XPC: variants seen among roughly 807,000 people sequenced by gnomAD.
XPC encodes the protein DNA repair protein complementing XP-C cells.
XPC carries 76 observed loss-of-function variants against 95.8 expected under a neutral mutation model. The observed-to-expected ratio is 0.79, with a 90% CI of 0.66 to 0.96. XPC has a LOEUF of 0.96. XPC is among the 40% of genes least tolerant of loss of function. The pLI, the probability that XPC is intolerant of heterozygous loss-of-function variation, is 0.00. For missense variants in XPC, 1,146 were observed against 1,179.8 expected, an observed-to-expected ratio of 0.97 and a Z score of 0.42; for synonymous variants, 442 against 442.1, an observed-to-expected ratio of 1.00 and a Z score of 0.00.
chr3:14,147,686 G>C, intron 14 of XPC: 1 of 599,002 alleles, frequency 1.7e-6, no homozygotes, highest in Non-Finnish European at 2.9e-6. Flanking sequence ...AGGGGCAGTA[G>C]ACCCCAGAGC....
Position 14,145,996 on chromosome 3 carries a change from GTCT to G in XPC, c.2765_2767del (p.Lys922del), listed in dbSNP as rs1695413754. The G allele has an allele frequency of 1.9e-6, 3 of 1,610,420 alleles. No individual in the cohort carries two copies. Among genetic ancestry groups the G allele is most frequent in the Non-Finnish European group, 2.5e-6 (3 of 1,177,450 alleles). The stretch of plus-strand genomic sequence containing the variant: ...AGCTGCTGCTTTCTTTTCCCTTTTG[GTCT>G]TCTTGGGCCCACCCTTCAGCTTCTG... On this transcript the variant is annotated inframe_deletion, in exon 16 of 16. Transcript: ENST00000285021.
chr3:14,147,400 G>A (rs867858113), intron 14 of XPC, 21 bp from the exon 15 acceptor site: 3 of 1,587,146 alleles, frequency 1.9e-6, no homozygotes, highest in Middle Eastern at 1.7e-4. Context: ...AAATGAAGTG[G>A]GAGAAAAGTG....
intron 15 of XPC, 31 bp downstream of exon 15, chr3:14,147,259 C>G: frequency 6.3e-7 from 1 of 1,586,814 alleles, no homozygotes; most frequent in Non-Finnish European, 8.6e-7. Flanking sequence ...TGACCCTGAG[C>G]TTGTCTTCTC....
chr3:14,157,809 G>A (rs531777589), intron 9 of XPC, among the ~76,000 whole-genome samples: 31 of 152,242 alleles, frequency 2.0e-4, no homozygotes, highest in South Asian at 8.3e-4. Flanking sequence ...CAAGCACCGC[G>A]GCAGTTCATC....
chr3:14,161,086 T>C (rs956653019), intron 7 of XPC, among the ~76,000 whole-genome samples: 3 of 152,196 alleles, frequency 2.0e-5, no homozygotes, highest in Non-Finnish European at 2.9e-5. Flanking sequence ...TTAGATAACA[T>C]AGAGAAAATG....
At chr3:14,178,419 G>A in intron 1 of XPC, 47 bp downstream of exon 1, 2 of 1,557,490 alleles carry the variant, frequency 1.3e-6, no homozygotes, top group Non-Finnish European at 1.7e-6. Flanking sequence ...GGCCTCCTCC[G>A]CCCACCGGCG....
chr3:14,152,064 T>C (rs3731156), intron 11 of XPC, among the ~76,000 whole-genome samples: 49 of 152,244 alleles, frequency 3.2e-4, no homozygotes, highest in Middle Eastern at 3.4e-3. Context: ...TGTAGAACCT[T>C]TGAATTCACA....
rs758341628 is a variant in XPC, at chr3:14,146,130, T to C, written c.2634A>G (p.Ala878=). ...KSEAAAPHTD[A]GGGLSSDEEE... ...CTTCATCAGAAGAGAGTCCACCTCCTGCATCTGTGTGGGGAGCTGCTGCCT... is the reference window on the plus strand; with the variant it reads ...CTTCATCAGAAGAGAGTCCACCTCCCGCATCTGTGTGGGGAGCTGCTGCCT... Residue 878 remains alanine, a synonymous_variant, in exon 16 of 16, where the codon GCA becomes GCG. Transcript: ENST00000285021. The C allele has an allele frequency of 2.5e-6, 4 of 1,610,762 alleles. No homozygotes were observed. The South Asian group carries it at 3.3e-5, about 13-fold the overall frequency.
intron 9 of XPC, among the ~76,000 whole-genome samples, chr3:14,157,542 T>C (rs777516379): frequency 3.3e-5 from 5 of 152,120 alleles, no homozygotes; most frequent in Non-Finnish European, 5.9e-5. Flanking sequence ...TACTGTCTCA[T>C]TCCGAGACAG....
chr3:14,165,508 G>A lies in XPC; in HGVS notation c.699C>T (p.Gly233=). The change falls in exon 6 of 16, where the codon GGC becomes GGT. Residue 233 remains glycine (G), a synonymous_variant. Transcript: ENST00000285021. ...ICSQPDLHAI[G]LSIIPARFTR... ...TAAAGCGGGCTGGGATGATGGACAGGCCAATAGCATGCAGATCTGGCTGGC... is the reference window on the plus strand; with the variant it reads ...TAAAGCGGGCTGGGATGATGGACAGACCAATAGCATGCAGATCTGGCTGGC... 4 of 1,610,376 alleles carry A rather than the reference G, an allele frequency of 2.5e-6. No individual in the cohort carries two copies. Among genetic ancestry groups the A allele is most frequent in the Non-Finnish European group, 3.4e-6 (4 of 1,178,298 alleles).
At chr3:14,162,087 T>G (rs1185659580) in intron 7 of XPC, among the ~76,000 whole-genome samples, 1 of 151,922 alleles carries the variant, frequency 6.6e-6, no homozygotes, top group African/African-American at 2.4e-5. Context: ...TAGGAAAAAA[T>G]TTAACCAAGG....
intron 10 of XPC, among the ~76,000 whole-genome samples, chr3:14,154,731 CAG>C (rs1283966572): frequency 6.6e-6 from 1 of 151,858 alleles, no homozygotes; most frequent in Non-Finnish European, 1.5e-5. Context: ...GGCTGGATGA[CAG>C]TGTGAATGTG....
intron 1 of XPC, among the ~76,000 whole-genome samples, chr3:14,174,964 T>C (rs1449166155): frequency 6.6e-6 from 1 of 152,206 alleles, no homozygotes; most frequent in East Asian, 1.9e-4. Context: ...GTTCTTTCAG[T>C]AGGGCAGGAA....
intron 10 of XPC, among the ~76,000 whole-genome samples, chr3:14,154,543 C>T (rs890389557): frequency 1.3e-5 from 2 of 152,094 alleles, no homozygotes; most frequent in African/African-American, 4.8e-5. Flanking sequence ...AAGCCAGTCA[C>T]GATGTGACTA....
intron 4 of XPC, 34 bp from the exon 5 acceptor site, chr3:14,167,287 G>A (rs55644336): frequency 3.8e-6 from 6 of 1,580,370 alleles, no homozygotes; most frequent in Non-Finnish European, 5.2e-6. Flanking sequence ...GGGAATGAAG[G>A]GGGGAACTGA....
chr3:14,145,388 C>T lies in XPC; in HGVS notation c.*553G>A, dbSNP rs1250220478. Reference sequence around the variant, plus strand: ...ACTAGATCCCAGCAGATGACCTGTACTTCTCTGCTCTCTCCCCTACTGCAA... The same window carrying T: ...ACTAGATCCCAGCAGATGACCTGTATTTCTCTGCTCTCTCCCCTACTGCAA... On this transcript the variant is annotated 3_prime_UTR_variant, in exon 16 of 16. Coordinates refer to ENST00000285021, the MANE Select transcript of XPC (RefSeq NM_004628.5). 7.1e-6 allele frequency: 5 copies of T among 699,926 alleles called. No individual in the cohort carries two copies. Among genetic ancestry groups the T allele is most frequent in the Middle Eastern group, 3.7e-4 (1 of 2,738 alleles). 43.4% of individuals were successfully genotyped at this position (699,926 alleles called of 1,614,324 possible).
chr3:14,170,921 G>A (rs1450854261), intron 2 of XPC, among the ~76,000 whole-genome samples: 2 of 152,178 alleles, frequency 1.3e-5, no homozygotes, highest in Non-Finnish European at 2.9e-5. Context: ...AGAAAGAACA[G>A]AATAAAATCT....
At chr3:14,149,075 G>A (rs1387422958) in intron 11 of XPC, 127 bp from the exon 12 acceptor site, 2 of 1,397,750 alleles carry the variant, frequency 1.4e-6, no homozygotes, top group South Asian at 1.4e-5. Context: ...TACCAGCTGG[G>A]GTGCTTTTTC....
Position 14,172,918 on chromosome 3 carries a change from T to C in XPC, c.248A>G (p.Glu83Gly), listed in dbSNP as rs1696670173. ...KKVAKVTVKS[E>G]NLKVIKDEAL... ...TTCATCCTTTATAACCTTGAGGTTT[T>C]CAGATTTAACAGTCACCTTGGCCAC... The change falls in exon 2 of 16, where the codon GAA becomes GGA. Residue 83 changes from glutamate (E) to glycine (G), a missense_variant. Physicochemically the swap from Glu to Gly is moderately conservative, Grantham distance 98. Transcript: ENST00000285021. 6 of 1,613,998 alleles carry C rather than the reference T, an allele frequency of 3.7e-6. No homozygotes were observed. Among genetic ancestry groups the C allele is most frequent in the Non-Finnish European group, 5.1e-6 (6 of 1,179,872 alleles).
Sources: allele counts gnomAD v4.1 joint callset (sites outside exome capture counted in the v4.1 genomes callset), GRCh38; gene constraint gnomAD v4.1.1; transcripts MANE v1.5; gene names NCBI Gene and HGNC (gene_info 2026-07-23, HGNC 2026-07-21).